FOXO1: variants seen among roughly 807,000 people sequenced by gnomAD.
FOXO1 encodes forkhead box O1.
In FOXO1, 6 loss-of-function variants were observed where a neutral mutation model predicts 44.1. The ratio of observed to expected loss-of-function variants is 0.14; its 90% confidence interval spans 0.07 to 0.27. The LOEUF (loss-of-function observed/expected upper bound fraction) is 0.27. FOXO1 is among the 10% of genes least tolerant of loss of function. The pLI is 1.00. For missense variants in FOXO1, 737 were observed against 888.8 expected (o/e 0.83, Z 2.17); for synonymous variants, 380 against 362.7 (o/e 1.05, Z -0.54).
chr13:40,651,772 C>G (rs1877697235), intron 1 of FOXO1, among the ~76,000 whole-genome samples: 1 of 151,774 alleles, frequency 6.6e-6, no homozygotes, highest in Admixed American at 6.6e-5. Context: ...AAAATTCATT[C>G]TATCTCAAAA....
At chr13:40,626,772 C>A in intron 1 of FOXO1, among the ~76,000 whole-genome samples, 1 of 152,252 alleles carries the variant, frequency 6.6e-6, no homozygotes, top group Middle Eastern at 3.4e-3. Flanking sequence ...GACACTGCCC[C>A]GATGATACCA....
At chr13:40,570,345 C>G (rs1874439233) in intron 1 of FOXO1, among the ~76,000 whole-genome samples, 1 of 151,742 alleles carries the variant, frequency 6.6e-6, no homozygotes, top group Non-Finnish European at 1.5e-5. Context: ...AAAAAGACCC[C>G]TAAGAGGTGA....
At chr13:40,645,328 C>T (rs1377276593) in intron 1 of FOXO1, among the ~76,000 whole-genome samples, 2 of 152,164 alleles carry the variant, frequency 1.3e-5, no homozygotes, top group African/African-American at 4.8e-5. Flanking sequence ...GTAAGACAAA[C>T]ACATACTTAC....
At chr13:40,651,199 G>A (rs962686959) in intron 1 of FOXO1, among the ~76,000 whole-genome samples, 2 of 151,794 alleles carry the variant, frequency 1.3e-5, no homozygotes, top group South Asian at 2.1e-4. Context: ...TCAGCCTTGC[G>A]AATAGACAAG....
At chr13:40,585,237 A>T (rs1282136063) in intron 1 of FOXO1, among the ~76,000 whole-genome samples, 1 of 152,218 alleles carries the variant, frequency 6.6e-6, no homozygotes, top group African/African-American at 2.4e-5. Context: ...AGAAAAACAG[A>T]AGCAAGAGTT....
At chr13:40,566,098 T>C (rs1046926417) in intron 1 of FOXO1, among the ~76,000 whole-genome samples, 8 of 152,232 alleles carry the variant, frequency 5.3e-5, no homozygotes, top group Non-Finnish European at 1.2e-4. Context: ...GCATCACACA[T>C]TGCTGGGGCC....
intron 1 of FOXO1, among the ~76,000 whole-genome samples, chr13:40,608,327 T>C (rs539812879): frequency 3.3e-5 from 5 of 152,312 alleles, no homozygotes; most frequent in Admixed American, 6.5e-5. Context: ...AACATACTCA[T>C]ACAGTCAGGC....
chr13:40,624,835 G>A (rs1876734150), intron 1 of FOXO1, among the ~76,000 whole-genome samples: 1 of 152,140 alleles, frequency 6.6e-6, no homozygotes, highest in South Asian at 2.1e-4. Context: ...TGGGAATTAT[G>A]CATATAGTTT....
At chr13:40,581,505 GTAAAT>G (rs1874955893) in intron 1 of FOXO1, among the ~76,000 whole-genome samples, 1 of 152,090 alleles carries the variant, frequency 6.6e-6, no homozygotes, top group Admixed American at 6.5e-5. Context: ...TACACCCATA[GTAAAT>G]TAAAACAATT....
chr13:40,585,780 C>T (rs915314690), intron 1 of FOXO1, among the ~76,000 whole-genome samples: 2 of 152,168 alleles, frequency 1.3e-5, no homozygotes, highest in African/African-American at 4.8e-5. Flanking sequence ...AAAAGCTAAA[C>T]GACAAGATGT....
intron 1 of FOXO1, among the ~76,000 whole-genome samples, chr13:40,640,758 T>TTTG (rs142761112): frequency 0.15 from 21,250 of 140,396 alleles, 1,549 homozygotes; most frequent in Non-Finnish European, 0.17. Flanking sequence ...TGTTATTTCT[T>TTTG]TTGTTGTTGT....
intron 1 of FOXO1, among the ~76,000 whole-genome samples, chr13:40,596,472 G>GT (rs1875581688): frequency 6.6e-6 from 1 of 152,196 alleles, no homozygotes. Flanking sequence ...AGGAAGAGAT[G>GT]TAGCTTTGGA....
chr13:40,598,617 T>G (rs1875687240), intron 1 of FOXO1, among the ~76,000 whole-genome samples: 1 of 152,178 alleles, frequency 6.6e-6, no homozygotes. Context: ...CCCACCCAAA[T>G]TTGTGGGGTG....
chr13:40,606,825 C>T (rs574012937), intron 1 of FOXO1, among the ~76,000 whole-genome samples: 2 of 152,334 alleles, frequency 1.3e-5, no homozygotes, highest in Admixed American at 1.3e-4. Flanking sequence ...GCAACTCCCA[C>T]ATCCAACTTC....
chr13:40,576,862 T>G (rs1874766261), intron 1 of FOXO1, among the ~76,000 whole-genome samples: 1 of 152,260 alleles, frequency 6.6e-6, no homozygotes, highest in Non-Finnish European at 1.5e-5. Context: ...ATTCACAAGA[T>G]TTGGCATAAA....
At chr13:40,607,518 T>A (rs1876053650) in intron 1 of FOXO1, among the ~76,000 whole-genome samples, 2 of 124,316 alleles carry the variant, frequency 1.6e-5, no homozygotes, top group Non-Finnish European at 1.5e-5. Context: ...GGCACTGTAC[T>A]AGATGGGTGG....
rs191834779 is a variant in FOXO1 at position 40,620,795 on chromosome 13, C to A, written c.630+44788G>T. On this transcript the variant is annotated intron_variant, in intron 1 of 2. Transcript: ENST00000379561. ...AAACTGGAAAACTACTATTCTTCCC[C>A]TTGCTTTTTTTTTTTTTTTTTGAGA... 6.6e-3 allele frequency among the ~76,000 whole-genome samples: 739 copies of A among 111,420 alleles called. 7 individuals are homozygous for A. The highest frequency in any genetic ancestry group is 0.033 in the Middle Eastern group (8 of 244). 73.1% of individuals were successfully genotyped at this position (111,420 alleles called of 152,430 possible).
intron 1 of FOXO1, among the ~76,000 whole-genome samples, chr13:40,647,342 A>T (rs1378595767): frequency 6.6e-6 from 1 of 152,206 alleles, no homozygotes; most frequent in Admixed American, 6.5e-5. Flanking sequence ...TTGTGCAAAC[A>T]TAAGTATAAA....
At chr13:40,641,201 G>C (rs953827593) in intron 1 of FOXO1, among the ~76,000 whole-genome samples, 1 of 152,108 alleles carries the variant, frequency 6.6e-6, no homozygotes, top group African/African-American at 2.4e-5. Flanking sequence ...GGGTGACAGA[G>C]CCAACAGTGA....
Sources: gnomAD v4.1 joint callset for allele counts (sites outside exome capture counted in the v4.1 genomes callset) on GRCh38, gnomAD v4.1.1 for gene constraint, MANE v1.5 for transcripts, NCBI Gene and HGNC (gene_info 2026-07-23, HGNC 2026-07-21) for gene names.